TLX1: variants seen among roughly 807,000 people sequenced by gnomAD.
The protein encoded by TLX1 is T-cell leukemia homeobox protein 1.
A neutral mutation model predicts 26.5 loss-of-function variants in TLX1; 6 were observed. The ratio of observed to expected loss-of-function variants is 0.23; its 90% confidence interval spans 0.12 to 0.45. TLX1 has a LOEUF of 0.45. Ranked by LOEUF, TLX1 falls within the 20% of genes least tolerant of loss-of-function variation. The pLI is 0.99. For synonymous variants in TLX1, 217 were observed against 219.7 expected (o/e 0.99, Z 0.11); for missense variants, 418 against 482.6 (o/e 0.87, Z 1.25).
Position 101,132,021 on chromosome 10 carries a change from G to A in TLX1, c.480G>A (p.Val160=). ...CCGGCTTGCCCACCGTGCCCTCTGT[G>A]CCTGCCATGCCGGGCGTCAACAACC... is the stretch of plus-strand genomic sequence containing the variant. The part of the protein sequence containing the change: ...LATGLPTVPS[V]PAMPGVNNLT... Residue 160 remains valine (V), a synonymous_variant, in exon 1 of 3, where the codon GTG becomes GTA. Coordinates refer to ENST00000370196, the MANE Select transcript of TLX1 (RefSeq NM_005521.4). The surrounding 1 kb of genome is among the most constrained non-coding windows in gnomAD (Gnocchi z 4.1). 1.3e-6 allele frequency: 2 copies of A among 1,520,744 alleles called. No individual in the cohort carries two copies. The highest frequency in any genetic ancestry group is 1.8e-6 in the Non-Finnish European group (2 of 1,142,534). The allele number at this position is 1,520,744 out of a possible 1,614,324, so 94.2% of individuals were successfully genotyped here.
At position 101,137,121 on chromosome 10, in the gene TLX1, C is replaced by G. The variant is rs1450182533; in HGVS notation, c.*208C>G. Reference sequence around the variant, plus strand: ...AAGGGACAAGGACACGCGCCCCCCTCCCAGAGGCGTCCCGCACCTGTCTGA... The same window carrying G: ...AAGGGACAAGGACACGCGCCCCCCTGCCAGAGGCGTCCCGCACCTGTCTGA... On this transcript the variant is annotated 3_prime_UTR_variant, in exon 3 of 3. Transcript: ENST00000370196. The G allele has an allele frequency of 1.6e-6, 1 of 620,600 alleles. No individual in the cohort carries two copies. The highest frequency in any genetic ancestry group is 2.8e-6 in the Non-Finnish European group (1 of 357,668). The allele number at this position is 620,600 out of a possible 1,614,324, so 38.4% of individuals were successfully genotyped here. A position where few individuals can be genotyped will look rare whatever the true frequency, so the allele number is the denominator to read the frequency against.
In TLX1 at chr10:101,134,623, C is replaced by T. The variant is rs1030676111; in HGVS notation, c.770+247C>T. On this transcript the variant is annotated intron_variant, in intron 2 of 2. Transcript: ENST00000370196. ...GCTTTCTGGTTGGCACACTCTCTGC[C>T]GGTGTAGACGCGGCAGGTCTATTCC... 1.6e-4 allele frequency among the ~76,000 whole-genome samples: 25 copies of T among 152,226 alleles called. 1 individual carries two copies. Among genetic ancestry groups the T allele is most frequent in the Admixed American group, 1.6e-3 (24 of 15,288 alleles).
At chr10:101,135,849 A>G (rs1940284275) in intron 2 of TLX1, among the ~76,000 whole-genome samples, 1 of 152,216 alleles carries the variant, frequency 6.6e-6, no homozygotes, top group South Asian at 2.1e-4. Context: ...AAAGCCTAAA[A>G]GAGAAATATT....
chr10:101,131,536 G>A lies in TLX1; in HGVS notation c.-6G>A, dbSNP rs1268907593. ...GCCCGGGCCCCCCGGTGGGGCCAGG[G>A]CCAGCATGGAGCACCTGGGTCCGCA... On this transcript the variant is annotated 5_prime_UTR_variant, in exon 1 of 3. Coordinates refer to ENST00000370196, the MANE Select transcript of TLX1 (RefSeq NM_005521.4). 6.7e-7 allele frequency: 1 copy of A among 1,484,732 alleles called. No individual in the cohort carries two copies. Among genetic ancestry groups the A allele is most frequent in the Admixed American group, 2.5e-5 (1 of 39,778 alleles). 92.0% of individuals were successfully genotyped at this position (1,484,732 alleles called of 1,614,324 possible).
In TLX1 at chr10:101,132,771, C is replaced by T. The variant is rs1328867751; in HGVS notation, c.568+662C>T. On this transcript the variant is annotated intron_variant, in intron 1 of 2. Transcript: ENST00000370196. The surrounding 1 kb of genome is among the most constrained non-coding windows in gnomAD (Gnocchi z 4.1). ...TCTCTCCCGGCTGGGTGTCCTACCC[C>T]GGGCCCAGCCCTGTTATCTTGGGCA... The T allele has an allele frequency of 6.6e-6, 1 of 152,264 alleles. No homozygotes were observed. Among genetic ancestry groups the T allele is most frequent in the Non-Finnish European group, 1.5e-5 (1 of 68,108 alleles). The allele number at this position is 152,264 out of a possible 1,614,324, so 9.4% of individuals were successfully genotyped here. A position where few individuals can be genotyped will look rare whatever the true frequency, so the allele number is the denominator to read the frequency against.
At position 101,132,118 on chromosome 10, in the gene TLX1, G is replaced by A; in HGVS notation, c.568+9G>A. The A allele has an allele frequency of 7.4e-7, 1 of 1,353,306 alleles. No homozygotes were observed. The highest frequency in any genetic ancestry group is 9.5e-7 in the Non-Finnish European group (1 of 1,053,208). The allele number at this position is 1,353,306 out of a possible 1,614,324, so 83.8% of individuals were successfully genotyped here. On this transcript the variant is annotated intron_variant, in intron 1 of 2. Coordinates refer to ENST00000370196, the MANE Select transcript of TLX1 (RefSeq NM_005521.4). The surrounding 1 kb of genome is among the most constrained non-coding windows in gnomAD (Gnocchi z 4.1). Reference sequence around the variant, plus strand: ...AAAGGACAGGTTCACAGGTGAGTCCGGCCCGCGCGCTCCCCGCCTGGCCGC... The same window carrying A: ...AAAGGACAGGTTCACAGGTGAGTCCAGCCCGCGCGCTCCCCGCCTGGCCGC...
Position 101,131,986 on chromosome 10 carries a change from C to T in TLX1, c.445C>T (p.Pro149Ser). 1 of 1,524,666 alleles carries T rather than the reference C, an allele frequency of 6.6e-7. No individual in the cohort carries two copies. Among genetic ancestry groups the T allele is most frequent in the Admixed American group, 2.0e-5 (1 of 50,510 alleles). The allele number at this position is 1,524,666 out of a possible 1,614,324, so 94.4% of individuals were successfully genotyped here. ...PLAGAVAHPQ[P>S]LATGLPTVPS... ...CGCCGGAGCCGTGGCCCACCCCCAG[C>T]CCCTGGCCACCGGCTTGCCCACCGT... The change falls in exon 1 of 3, where the codon CCC becomes TCC. Residue 149 changes from proline to serine, a missense_variant. Coordinates refer to ENST00000370196, the MANE Select transcript of TLX1 (RefSeq NM_005521.4).
At chr10:101,136,540 G>A (rs1229890417) in intron 2 of TLX1, 151 bp from the exon 3 acceptor site, 10 of 1,261,464 alleles carry the variant, frequency 7.9e-6, no homozygotes, top group African/African-American at 2.9e-5. Context: ...CTCAAAAGAA[G>A]GGAACGCGTT....
chr10:101,131,805 C>T lies in TLX1; in HGVS notation c.264C>T (p.Gly88=). ...GPGGPGGPAG[G]GGACSMGPLT... ...GCGGCCCCGGAGGCCCGGCAGGCGG[C>T]GGCGGCGCCTGCAGCATGGGTCCTC... Residue 88 remains glycine, a synonymous_variant, in exon 1 of 3, where the codon GGC becomes GGT. Coordinates refer to ENST00000370196, the MANE Select transcript of TLX1 (RefSeq NM_005521.4). The T allele has an allele frequency of 2.2e-6, 3 of 1,387,828 alleles. No homozygotes were observed. Among genetic ancestry groups the T allele is most frequent in the Non-Finnish European group, 1.9e-6 (2 of 1,077,234 alleles). The allele number at this position is 1,387,828 out of a possible 1,614,324, so 86.0% of individuals were successfully genotyped here. A position where few individuals can be genotyped will look rare whatever the true frequency, so the allele number is the denominator to read the frequency against.
At chr10:101,135,697 A>G (rs1437949905) in intron 2 of TLX1, among the ~76,000 whole-genome samples, 1 of 152,238 alleles carries the variant, frequency 6.6e-6, no homozygotes, top group Non-Finnish European at 1.5e-5. Flanking sequence ...GGAGAAAAAC[A>G]GGCAGCCTGC....
chr10:101,134,196 C>A lies in TLX1; in HGVS notation c.590C>A (p.Thr197Lys). ...RFTGHPYQNRTPPKKKKPRTS... is the reference protein window; with the variant it reads ...RFTGHPYQNRKPPKKKKPRTS... Reference sequence around the variant, plus strand: ...ATAGGTCACCCCTATCAGAACCGGACGCCCCCCAAGAAGAAGAAGCCGCGC... The same window carrying A: ...ATAGGTCACCCCTATCAGAACCGGAAGCCCCCCAAGAAGAAGAAGCCGCGC... The change falls in exon 2 of 3, where the codon ACG (threonine) becomes AAG (lysine). Residue 197 changes from threonine to lysine, a missense_variant. Transcript: ENST00000370196. 1.9e-6 allele frequency: 3 copies of A among 1,607,978 alleles called. No individual in the cohort carries two copies. The highest frequency in any genetic ancestry group is 2.5e-6 in the Non-Finnish European group (3 of 1,177,520).
rs1940308526 is a variant in TLX1 at position 101,136,906 on chromosome 10, G to A, written c.986G>A (p.Cys329Tyr). The A allele has an allele frequency of 1.2e-6, 2 of 1,613,536 alleles. No individual in the cohort carries two copies. The highest frequency in any genetic ancestry group is 4.5e-5 in the East Asian group (2 of 44,862). ...AGCGTCACGTCGGTGGCGTCGGCCT[G>A]CGAGTGAGCCTGCCCATTCTGCCCT... ...ITSVTSVASA[C>Y]E The change falls in exon 3 of 3, where the codon TGC becomes TAC. Residue 329 changes from cysteine (C) to tyrosine (Y), a missense_variant. By Grantham distance (194) the Cys-to-Tyr change is radical (BLOSUM62 -2). Coordinates refer to ENST00000370196, the MANE Select transcript of TLX1 (RefSeq NM_005521.4).
intron 2 of TLX1, among the ~76,000 whole-genome samples, chr10:101,136,188 C>G (rs1390100218): frequency 2.0e-5 from 3 of 152,232 alleles, no homozygotes; most frequent in Non-Finnish European, 4.4e-5. Context: ...GGGCTCCACA[C>G]AGAAGGCCCA....
rs754703504 is a variant in TLX1, at chr10:101,136,746, C to T, written c.826C>T (p.Leu276=). 2.5e-6 allele frequency: 4 copies of T among 1,613,268 alleles called. No individual in the cohort carries two copies. The highest frequency in any genetic ancestry group is 3.3e-5 in the Admixed American group (2 of 60,026). Residue 276 remains leucine, a synonymous_variant, in exon 3 of 3, where the codon CTG becomes TTG. Coordinates refer to ENST00000370196, the MANE Select transcript of TLX1 (RefSeq NM_005521.4). ...GAGGCAGCAAGCGAACCGCATCCTC[C>T]TGCAGTTGCAGCAGGAGGCCTTCCA... The part of the protein sequence containing the change: ...AERQQANRIL[L]QLQQEAFQKS...
Position 101,132,160 on chromosome 10 carries a change from TACCCCTG to T in TLX1, c.568+52_568+58del. Reference sequence around the variant, plus strand: ...CCTGGCCGCGGCCCGGGCTCCGTGCTACCCCTGCCCCGCCGGGTGGCTCCCCAAAGCC... The same window carrying T: ...CCTGGCCGCGGCCCGGGCTCCGTGCTCCCCGCCGGGTGGCTCCCCAAAGCC... On this transcript the variant is annotated intron_variant, in intron 1 of 2. Coordinates refer to ENST00000370196, the MANE Select transcript of TLX1 (RefSeq NM_005521.4). The surrounding 1 kb of genome is among the most constrained non-coding windows in gnomAD (Gnocchi z 4.1). 2.3e-6 allele frequency: 3 copies of T among 1,303,524 alleles called. No homozygotes were observed. In the Middle Eastern group the frequency reaches 6.8e-4, roughly 296 times the overall value. The allele number at this position is 1,303,524 out of a possible 1,614,324, so 80.7% of individuals were successfully genotyped here. A position where few individuals can be genotyped will look rare whatever the true frequency, so the allele number is the denominator to read the frequency against.
At position 101,131,642 on chromosome 10, in the gene TLX1, T is replaced by G; in HGVS notation, c.101T>G (p.Met34Arg). 1 of 1,571,240 alleles carries G rather than the reference T, an allele frequency of 6.4e-7. No homozygotes were observed. The highest frequency in any genetic ancestry group is 8.6e-7 in the Non-Finnish European group (1 of 1,161,982). The change falls in exon 1 of 3, where the codon ATG becomes AGG. Residue 34 changes from methionine (M) to arginine (R), a missense_variant. This residue lies in a region of TLX1 where 322 missense variants were observed against 344.6 expected (regional missense o/e 0.93). Transcript: ENST00000370196. The part of the protein sequence containing the change: ...ILNSPDQGGC[M>R]GPASRLQDGE... ...AACAGCCCGGACCAGGGTGGCTGCA[T>G]GGGACCCGCCTCGCGCCTCCAGGAC...
chr10:101,136,238 C>T (rs1230598479), intron 2 of TLX1, among the ~76,000 whole-genome samples: 2 of 152,222 alleles, frequency 1.3e-5, no homozygotes, highest in African/African-American at 4.8e-5. Flanking sequence ...AGGAAAGAGA[C>T]GTCCCGCAGA....
chr10:101,133,671 C>A (rs577703936), intron 1 of TLX1, among the ~76,000 whole-genome samples: 1 of 152,210 alleles, frequency 6.6e-6, no homozygotes, highest in South Asian at 2.1e-4. Context: ...GTGCTTGTCC[C>A]GTGCCTGTGC....
Position 101,137,682 on chromosome 10 carries a change from T to TG in TLX1, c.*776dup, listed in dbSNP as rs537148910. The TG allele has an allele frequency of 5.8e-4, 134 of 232,596 alleles. 1 individual carries two copies. The highest frequency in any genetic ancestry group is 1.2e-3 in the East Asian group (19 of 16,482). 14.4% of individuals were successfully genotyped at this position (232,596 alleles called of 1,614,324 possible). A position where few individuals can be genotyped will look rare whatever the true frequency, so the allele number is the denominator to read the frequency against. ...ATTTCTCCAGAACCCATTTGAGGGGTGGGGGGGTGTTAATTTATGCACTTA... is the reference window on the plus strand; with the variant it reads ...ATTTCTCCAGAACCCATTTGAGGGGTGGGGGGGGTGTTAATTTATGCACTTA... On this transcript the variant is annotated 3_prime_UTR_variant, in exon 3 of 3. Coordinates refer to ENST00000370196, the MANE Select transcript of TLX1 (RefSeq NM_005521.4).
Sources: allele counts gnomAD v4.1 joint callset (sites outside exome capture counted in the v4.1 genomes callset), GRCh38; gene constraint gnomAD v4.1.1; regional missense constraint gnomAD v4.1.1; non-coding constraint Gnocchi (gnomAD v3.1); transcripts MANE v1.5; gene names NCBI Gene and HGNC (gene_info 2026-07-23, HGNC 2026-07-21).